Variants in ETV5 observed in about 807,000 individuals in gnomAD.
ETV5 encodes ETS translocation variant 5.
In ETV5, 10 loss-of-function variants were observed where a neutral mutation model predicts 70.0. That is an observed-to-expected ratio of 0.14 (90% CI 0.09 to 0.24). The LOEUF (loss-of-function observed/expected upper bound fraction) is 0.24, where lower values mean the gene tolerates loss of function less well. Ranked by LOEUF, ETV5 falls within the 10% of genes least tolerant of loss-of-function variation. The pLI, the probability that ETV5 is intolerant of heterozygous loss-of-function variation, is 1.00. For synonymous variants in ETV5, 216 were observed against 242.2 expected, an observed-to-expected ratio of 0.89 and a Z score of 1.01; for missense variants, 453 against 651.2, an observed-to-expected ratio of 0.70 and a Z score of 3.31.
chr3:186,073,556 TACTCTCTG>T (rs1713698199), intron 7 of ETV5, among the ~76,000 whole-genome samples: 1 of 152,190 alleles, frequency 6.6e-6, no homozygotes, highest in Non-Finnish European at 1.5e-5. Flanking sequence ...CATTTAAAAA[TACTCTCTG>T]GATGAGAGAT....
intron 5 of ETV5, among the ~76,000 whole-genome samples, chr3:186,094,114 G>T (rs1458893645): frequency 6.6e-6 from 1 of 152,228 alleles, no homozygotes; most frequent in African/African-American, 2.4e-5. Context: ...ATCAGCGAAT[G>T]ATATGGGTGA....
In ETV5 at chr3:186,105,276, A is replaced by T; in HGVS notation, c.232+29T>A. 1 of 1,597,326 alleles carries T rather than the reference A, an allele frequency of 6.3e-7. No homozygotes were observed. Among genetic ancestry groups the T allele is most frequent in the Non-Finnish European group, 8.5e-7 (1 of 1,171,868 alleles). ...ATCTAAGACCAAACAATTTCAGAAC[A>T]AATGTGCCATCACCAGAAAGGTACT... On this transcript the variant is annotated intron_variant, in intron 5 of 12. Transcript: ENST00000306376. The surrounding 1 kb of genome is among the most constrained non-coding windows in gnomAD (Gnocchi z 4.5).
Position 186,079,829 on chromosome 3 carries a change from G to T in ETV5, c.638C>A (p.Pro213Gln). ...MPKMMPENQY[P>Q]SEQRFQRQLS... ...GATCAACACCCACCTCTGTTCTGAT[G>T]GATACTGGTTTTCAGGCATCATCTT... is the stretch of plus-strand genomic sequence containing the variant. The change falls in exon 7 of 13, where the codon CCA becomes CAA. Residue 213 changes from proline (P) to glutamine (Q), a missense_variant. This residue lies in a region of ETV5 where 307 missense variants were observed against 344.9 expected (regional missense o/e 0.89). Coordinates refer to ENST00000306376, the MANE Select transcript of ETV5 (RefSeq NM_004454.3). 1 of 1,608,096 alleles carries T rather than the reference G, an allele frequency of 6.2e-7. No individual in the cohort carries two copies. Among genetic ancestry groups the T allele is most frequent in the South Asian group, 1.1e-5 (1 of 89,436 alleles).
chr3:186,081,413 C>G (rs777278332), intron 5 of ETV5, among the ~76,000 whole-genome samples: 6 of 152,040 alleles, frequency 3.9e-5, no homozygotes, highest in Non-Finnish European at 8.8e-5. Flanking sequence ...AGTCTTTTTT[C>G]CCAAATTTCT....
chr3:186,073,241 T>A (rs1490787702), intron 7 of ETV5, among the ~76,000 whole-genome samples: 1 of 152,240 alleles, frequency 6.6e-6, no homozygotes, highest in Non-Finnish European at 1.5e-5. Flanking sequence ...GTTTCTCAGT[T>A]TGCGATACCT....
intron 7 of ETV5, among the ~76,000 whole-genome samples, chr3:186,068,574 C>CA (rs1433433996): frequency 6.6e-6 from 1 of 152,224 alleles, no homozygotes; most frequent in Non-Finnish European, 1.5e-5. Flanking sequence ...GTGCCAGCTG[C>CA]CCTTTCCCTG....
chr3:186,106,586 A>T (rs1466035566), intron 1 of ETV5, among the ~76,000 whole-genome samples: 1 of 152,240 alleles, frequency 6.6e-6, no homozygotes, highest in Non-Finnish European at 1.5e-5. Flanking sequence ...GATATTTGTG[A>T]CATCTCCAAC....
intron 5 of ETV5, among the ~76,000 whole-genome samples, chr3:186,092,556 C>T (rs1202162528): frequency 6.6e-6 from 1 of 151,872 alleles, no homozygotes; most frequent in East Asian, 1.9e-4. Context: ...CCTCAGCCTC[C>T]AGAGTAGGTG....
chr3:186,081,287 T>G (rs1005888939), intron 5 of ETV5, 112 bp from the exon 6 acceptor site: 2 of 1,118,672 alleles, frequency 1.8e-6, no homozygotes, highest in African/African-American at 1.6e-5. Context: ...TTGGAACTCA[T>G]GTCAAGTCAC....
intron 5 of ETV5, among the ~76,000 whole-genome samples, chr3:186,090,141 T>C (rs1008244545): frequency 6.6e-6 from 1 of 152,224 alleles, no homozygotes; most frequent in Admixed American, 6.5e-5. Context: ...TTGACTAACA[T>C]GTCAAAAGTA....
In ETV5 at chr3:186,048,793, G is replaced by A. The variant is rs1391685751; in HGVS notation, c.1379C>T (p.Pro460Leu). The change falls in exon 13 of 13, where the codon CCG (proline) becomes CTG (leucine). Residue 460 changes from proline (P) to leucine (L), a missense_variant. Pro to Leu is a moderately conservative substitution (Grantham distance 98, BLOSUM62 -3). Transcript: ENST00000306376. ...DPDALFSMAF[P>L]DNQRPFLKAE... Reference sequence around the variant, plus strand: ...CTTCAGGAACGGACGCTGGTTATCCGGGAAAGCCATGGAGAAGAGGGCATC... The same window carrying A: ...CTTCAGGAACGGACGCTGGTTATCCAGGAAAGCCATGGAGAAGAGGGCATC... 13 of 1,614,118 alleles carry A rather than the reference G, an allele frequency of 8.1e-6. No individual in the cohort carries two copies. The highest frequency in any genetic ancestry group is 1.1e-5 in the South Asian group (1 of 91,080).
At chr3:186,083,844 T>G (rs1381532526) in intron 5 of ETV5, among the ~76,000 whole-genome samples, 1 of 118,232 alleles carries the variant, frequency 8.5e-6, no homozygotes, top group Non-Finnish European at 1.9e-5. Flanking sequence ...GGAACAAGAA[T>G]GGAAAGTTTC....
At chr3:186,101,910 A>G (rs1714467421) in intron 5 of ETV5, among the ~76,000 whole-genome samples, 1 of 152,242 alleles carries the variant, frequency 6.6e-6, no homozygotes, top group African/African-American at 2.4e-5. Flanking sequence ...GTCCACTGGT[A>G]GAATCCCTAT....
Position 186,052,196 on chromosome 3 carries a change from T to C in ETV5, c.1210-65A>G. ...CCCTGGGCCCCATGTTCTCTCCCAATCCCAGCAGAGCCAGTTCTGTAACCT... is the reference window on the plus strand; with the variant it reads ...CCCTGGGCCCCATGTTCTCTCCCAACCCCAGCAGAGCCAGTTCTGTAACCT... On this transcript the variant is annotated intron_variant, in intron 11 of 12. Coordinates refer to ENST00000306376, the MANE Select transcript of ETV5 (RefSeq NM_004454.3). The surrounding 1 kb of genome is among the most constrained non-coding windows in gnomAD (Gnocchi z 4.5). 6.7e-7 allele frequency: 1 copy of C among 1,492,342 alleles called. No homozygotes were observed. Among genetic ancestry groups the C allele is most frequent in the Non-Finnish European group, 9.3e-7 (1 of 1,071,968 alleles). 92.4% of individuals were successfully genotyped at this position (1,492,342 alleles called of 1,614,324 possible).
In ETV5 at chr3:186,108,485, T is replaced by C. The variant is rs538353935; in HGVS notation, c.-75+455A>G. 6.6e-5 allele frequency: 85 copies of C among 1,280,938 alleles called. No individual in the cohort carries two copies. In the African/African-American group the frequency reaches 1.1e-3, roughly 16 times the overall value. The allele number at this position is 1,280,938 out of a possible 1,614,324, so 79.3% of individuals were successfully genotyped here. A position where few individuals can be genotyped will look rare whatever the true frequency, so the allele number is the denominator to read the frequency against. ...TGTCATTTACCCCCTCCCGGTGCTC[T>C]GGGGGGCAGCGCCTCTCAGACATTC... On this transcript the variant is annotated intron_variant, in intron 1 of 12. Transcript: ENST00000306376.
At chr3:186,082,708 C>T (rs913421379) in intron 5 of ETV5, among the ~76,000 whole-genome samples, 5 of 152,182 alleles carry the variant, frequency 3.3e-5, no homozygotes, top group Admixed American at 6.5e-5. Flanking sequence ...CGTGAGCCAC[C>T]GCACTCGGCC....
At chr3:186,071,198 G>GAA (rs774748036) in intron 7 of ETV5, among the ~76,000 whole-genome samples, 4 of 144,626 alleles carry the variant, frequency 2.8e-5, no homozygotes, top group African/African-American at 1.0e-4. Flanking sequence ...ATGCTCACAG[G>GAA]AAAAAAAAAA....
chr3:186,059,021 A>T (rs530756627), intron 9 of ETV5, among the ~76,000 whole-genome samples: 24 of 151,398 alleles, frequency 1.6e-4, no homozygotes, highest in African/African-American at 4.8e-4. Context: ...TCAAAAAAAA[A>T]AAAATAAAAT....
intron 5 of ETV5, among the ~76,000 whole-genome samples, chr3:186,102,555 C>T (rs1039211486): frequency 6.8e-6 from 1 of 147,880 alleles, no homozygotes; most frequent in African/African-American, 2.5e-5. Flanking sequence ...ATTGCTCGAA[C>T]CTGGGACGTG....
Sources: gnomAD v4.1 joint callset for allele counts (sites outside exome capture counted in the v4.1 genomes callset) on GRCh38, gnomAD v4.1.1 for gene constraint, gnomAD v4.1.1 regional missense constraint, Gnocchi (gnomAD v3.1) non-coding constraint, MANE v1.5 for transcripts, NCBI Gene and HGNC (gene_info 2026-07-23, HGNC 2026-07-21) for gene names.